Variants in NHEJ1 observed in about 807,000 individuals in gnomAD.
NHEJ1 encodes the protein non-homologous end joining factor 1, also known as non-homologous end-joining factor 1.
Under a neutral mutation model 39.4 loss-of-function variants are expected in NHEJ1, and 22 were observed. The ratio of observed to expected loss-of-function variants is 0.56; its 90% CI spans 0.40 to 0.80. NHEJ1 has a LOEUF of 0.80. Ranked by LOEUF, NHEJ1 falls within the 30% of genes least tolerant of loss-of-function variation. The pLI, the probability that NHEJ1 is intolerant of heterozygous loss-of-function variation, is 0.00. For missense variants in NHEJ1, 329 were observed against 357.1 expected (o/e 0.92, Z 0.63); for synonymous variants, 154 against 135.6 (o/e 1.14, Z -0.94).
chr2:219,117,428 A>T (rs1189478959), intron 5 of NHEJ1, among the ~76,000 whole-genome samples: 1 of 152,226 alleles, frequency 6.6e-6, no homozygotes, highest in African/African-American at 2.4e-5. Context: ...CTGGTCAGTA[A>T]CAAAGAGATG....
At chr2:219,126,876 C>A (rs941580764) in intron 5 of NHEJ1, among the ~76,000 whole-genome samples, 1 of 152,224 alleles carries the variant, frequency 6.6e-6, no homozygotes, top group African/African-American at 2.4e-5. Context: ...ACGGCATGTG[C>A]CAAGGACTAG....
chr2:219,147,535 T>G, intron 4 of NHEJ1, 122 bp downstream of exon 4: 1 of 1,170,968 alleles, frequency 8.5e-7, no homozygotes. Flanking sequence ...AGTTTCTGGT[T>G]AGTATTCAGC....
In NHEJ1 at chr2:219,157,610, C is replaced by T. The variant is rs1309070392; in HGVS notation, c.252G>A (p.Leu84=). 4.3e-6 allele frequency: 7 copies of T among 1,614,044 alleles called. No homozygotes were observed. Among genetic ancestry groups the T allele is most frequent in the Non-Finnish European group, 5.9e-6 (7 of 1,180,042 alleles). The change falls in exon 3 of 8, where the codon TTG becomes TTA. Residue 84 remains leucine, a synonymous_variant. Coordinates refer to ENST00000356853, the MANE Select transcript of NHEJ1 (RefSeq NM_024782.3). ...CTTCGCTAGGGTGAGCAGCGTCCTT[C>T]AACAATGGGCGAAGGAGATTATCCA... ...CHLDNLLRPL[L]KDAAHPSEAT... is the part of the protein sequence containing the mutation.
In NHEJ1 at chr2:219,137,290, C is replaced by T. The variant is rs553092051; in HGVS notation, c.588+9390G>A. ...TTCTTTTATATGCCCACGGTTAAACCGACCCCACCCATGATCTTCCTAGTC... is the reference window on the plus strand; with the variant it reads ...TTCTTTTATATGCCCACGGTTAAACTGACCCCACCCATGATCTTCCTAGTC... On this transcript the variant is annotated intron_variant, in intron 5 of 7. Transcript: ENST00000356853. 8.6e-5 allele frequency among the ~76,000 whole-genome samples: 13 copies of T among 152,046 alleles called. No individual in the cohort carries two copies. The South Asian group carries it at 2.3e-3, about 27-fold the overall frequency.
chr2:219,096,244 GAA>G (rs1654873435), intron 5 of NHEJ1, among the ~76,000 whole-genome samples: 1 of 152,180 alleles, frequency 6.6e-6, no homozygotes, highest in Non-Finnish European at 1.5e-5. Flanking sequence ...GGACACAGGA[GAA>G]AAAGAGTTGG....
At chr2:219,091,681 T>C (rs1040907827) in intron 5 of NHEJ1, among the ~76,000 whole-genome samples, 4 of 152,212 alleles carry the variant, frequency 2.6e-5, no homozygotes, top group Admixed American at 2.6e-4. Context: ...CTAGGAAATA[T>C]ATTCTGCTGC....
intron 5 of NHEJ1, among the ~76,000 whole-genome samples, chr2:219,138,054 C>G (rs1412019359): frequency 1.3e-5 from 2 of 152,190 alleles, no homozygotes; most frequent in Non-Finnish European, 2.9e-5. Flanking sequence ...CTAGACTTAT[C>G]CTTTTTTACG....
At chr2:219,115,095 G>T (rs1051635501) in intron 5 of NHEJ1, among the ~76,000 whole-genome samples, 1 of 152,030 alleles carries the variant, frequency 6.6e-6, no homozygotes, top group African/African-American at 2.4e-5. Flanking sequence ...TGGGGTTTGT[G>T]AGTGGGGCTC....
At chr2:219,137,570 CAAAAAAAAAAAAA>C (rs58279021) in intron 5 of NHEJ1, among the ~76,000 whole-genome samples, 8 of 34,726 alleles carry the variant, frequency 2.3e-4, no homozygotes, top group Non-Finnish European at 5.0e-4. Context: ...GTGTTACAGG[CAAAAAAAAAAAAA>C]AAAAAAAAAC....
chr2:219,096,268 G>T (rs763225939), intron 5 of NHEJ1, among the ~76,000 whole-genome samples: 16 of 152,218 alleles, frequency 1.1e-4, no homozygotes, highest in Non-Finnish European at 2.4e-4. Context: ...AATGACCTGG[G>T]AAAGATTCTG....
At chr2:219,115,560 TAGA>T (rs1949405698) in intron 5 of NHEJ1, among the ~76,000 whole-genome samples, 2 of 152,226 alleles carry the variant, frequency 1.3e-5, no homozygotes, top group African/African-American at 4.8e-5. Context: ...CACAAAGGGC[TAGA>T]AGGAGAAACA....
chr2:219,157,888 T>C (rs1454215994), intron 2 of NHEJ1, among the ~76,000 whole-genome samples: 1 of 151,992 alleles, frequency 6.6e-6, no homozygotes, highest in Non-Finnish European at 1.5e-5. Context: ...CAATTCTGCC[T>C]TGGGCAAGAT....
In NHEJ1 at chr2:219,150,440, C is replaced by T. The variant is rs181749174; in HGVS notation, c.391-2645G>A. Among the ~76,000 whole-genome samples, 39 of 152,352 alleles carry T rather than the reference C, an allele frequency of 2.6e-4. No individual in the cohort carries two copies. In the East Asian group the frequency reaches 3.7e-3, roughly 14 times the overall value. Reference sequence around the variant, plus strand: ...CAAAAACTTAACCCTCTAGGAAGTACTGTTCAGAATGTGGCAGAAGTTCAG... The same window carrying T: ...CAAAAACTTAACCCTCTAGGAAGTATTGTTCAGAATGTGGCAGAAGTTCAG... On this transcript the variant is annotated intron_variant, in intron 3 of 7. Coordinates refer to ENST00000356853, the MANE Select transcript of NHEJ1 (RefSeq NM_024782.3).
In NHEJ1 at chr2:219,077,286, G is replaced by A. The variant is rs1226411221; in HGVS notation, c.785C>T (p.Ser262Phe). ...QCVNQPEQLV[S>F]SAPTLSAPEK... ...AGGTGCTGAGAGGGTTGGGGCTGAG[G>A]AGACCAGTTGTTCTGGCTGGTTTAC... The change falls in exon 7 of 8, where the codon TCC becomes TTC. Residue 262 changes from serine to phenylalanine, a missense_variant. Coordinates refer to ENST00000356853, the MANE Select transcript of NHEJ1 (RefSeq NM_024782.3). 4 of 1,614,072 alleles carry A rather than the reference G, an allele frequency of 2.5e-6. No homozygotes were observed. The highest frequency in any genetic ancestry group is 2.2e-5 in the South Asian group (2 of 91,068).
chr2:219,093,146 A>G (rs1036642551), intron 5 of NHEJ1, among the ~76,000 whole-genome samples: 1 of 152,168 alleles, frequency 6.6e-6, no homozygotes, highest in Non-Finnish European at 1.5e-5. Flanking sequence ...GATTCTGTAA[A>G]GCCCACAGCT....
chr2:219,120,076 C>T (rs368141535), intron 5 of NHEJ1, among the ~76,000 whole-genome samples: 12 of 152,172 alleles, frequency 7.9e-5, no homozygotes, highest in African/African-American at 2.2e-4. Context: ...CACTAATGAA[C>T]GCAGTATCAC....
intron 5 of NHEJ1, among the ~76,000 whole-genome samples, chr2:219,093,977 G>A (rs1191378456): frequency 2.6e-5 from 4 of 152,190 alleles, no homozygotes; most frequent in Non-Finnish European, 5.9e-5. Context: ...TCTGAGGAGA[G>A]GCTCTAGAGA....
chr2:219,115,281 C>T (rs190624455), intron 5 of NHEJ1, among the ~76,000 whole-genome samples: 1 of 152,168 alleles, frequency 6.6e-6, no homozygotes, highest in Non-Finnish European at 1.5e-5. Context: ...CCAAATGTAA[C>T]CAGTTTTCAA....
At chr2:219,130,198 T>C (rs1949565105) in intron 5 of NHEJ1, among the ~76,000 whole-genome samples, 1 of 152,154 alleles carries the variant, frequency 6.6e-6, no homozygotes, top group Non-Finnish European at 1.5e-5. Flanking sequence ...ACTTACAGAC[T>C]TTCTCACTTT....
Sources: allele counts gnomAD v4.1 joint callset (sites outside exome capture counted in the v4.1 genomes callset), GRCh38; gene constraint gnomAD v4.1.1; transcripts MANE v1.5; gene names NCBI Gene and HGNC (gene_info 2026-07-23, HGNC 2026-07-21).